ANKS1B: variants seen among roughly 807,000 people sequenced by gnomAD.
The protein encoded by ANKS1B is ankyrin repeat and sterile alpha motif domain containing 1B.
A neutral mutation model predicts 148.3 loss-of-function variants in ANKS1B; 36 were observed. That is an observed-to-expected ratio of 0.24 (90% confidence interval 0.19 to 0.32). The LOEUF (loss-of-function observed/expected upper bound fraction) is 0.32, where lower values mean the gene tolerates loss of function less well. Among genes scored for constraint, ANKS1B ranks in the 10% least tolerant of loss-of-function variants. The pLI, the probability that ANKS1B is intolerant of heterozygous loss-of-function variation, is 1.00. For missense variants in ANKS1B, 1,157 were observed against 1,542.6 expected, an observed-to-expected ratio of 0.75 and a Z score of 4.19; for synonymous variants, 542 against 560.8, an observed-to-expected ratio of 0.97 and a Z score of 0.47.
chr12:99,091,720 G>A (rs1179217782), intron 15 of ANKS1B, among the ~76,000 whole-genome samples: 1 of 152,152 alleles, frequency 6.6e-6, no homozygotes, highest in Non-Finnish European at 1.5e-5. Flanking sequence ...GTTCATTAGT[G>A]TAAAGTAAAT....
intron 8 of ANKS1B, among the ~76,000 whole-genome samples, chr12:99,728,516 C>T (rs2058830305): frequency 6.6e-6 from 1 of 152,172 alleles, no homozygotes. Flanking sequence ...AACACTTTTA[C>T]ACTGTTGGTG....
intron 19 of ANKS1B, among the ~76,000 whole-genome samples, chr12:98,808,293 CT>C (rs1242785825): frequency 1.3e-5 from 2 of 152,150 alleles, no homozygotes; most frequent in Non-Finnish European, 2.9e-5. Flanking sequence ...AGGAAAAAAC[CT>C]TTAACACAGG....
chr12:99,546,460 T>C (rs181122927), intron 9 of ANKS1B, among the ~76,000 whole-genome samples: 1 of 152,312 alleles, frequency 6.6e-6, no homozygotes, highest in African/African-American at 2.4e-5. Context: ...GAAGTCCTAA[T>C]CACATGCCAA....
In ANKS1B at chr12:99,443,674, T is replaced by C; in HGVS notation, c.1574A>G (p.Gln525Arg). Residue 525 changes from glutamine to arginine, a missense_variant and splice_region_variant, in exon 11 of 27, where the codon CAG becomes CGG. This residue lies in a region of ANKS1B where 661 missense variants were observed against 642.1 expected (regional missense o/e 1.03). Coordinates refer to ENST00000683438, the MANE Select transcript of ANKS1B (RefSeq NM_001352186.2). ...LKNIVKVIRP[Q>R]PKQRTSIVSS... is the part of the protein sequence containing the mutation. ...AATGATGCCATTCTGGGCACTTACC[T>C]GGGGTCGAATGACTTTTACAATATT... 6.2e-7 allele frequency: 1 copy of C among 1,611,512 alleles called. No homozygotes were observed. Among genetic ancestry groups the C allele is most frequent in the Non-Finnish European group, 8.5e-7 (1 of 1,178,408 alleles).
intron 1 of ANKS1B, among the ~76,000 whole-genome samples, chr12:99,858,197 C>T (rs529664066): frequency 6.6e-6 from 1 of 152,094 alleles, no homozygotes; most frequent in South Asian, 2.1e-4. Flanking sequence ...AAGAAAAAAA[C>T]AAATAATCCC....
At chr12:99,102,417 TTC>T (rs2058161553) in intron 15 of ANKS1B, among the ~76,000 whole-genome samples, 1 of 31,738 alleles carries the variant, frequency 3.2e-5, no homozygotes, top group Non-Finnish European at 1.0e-4. Context: ...CTTTATTTTC[TTC>T]TTCTTCTTCT....
chr12:99,316,728 T>A (rs1024908475), intron 12 of ANKS1B, among the ~76,000 whole-genome samples: 2 of 152,158 alleles, frequency 1.3e-5, no homozygotes, highest in East Asian at 3.9e-4. Flanking sequence ...GGTGTTTTAG[T>A]CATGAAGTCC....
intron 9 of ANKS1B, among the ~76,000 whole-genome samples, chr12:99,535,051 A>T (rs1484674793): frequency 1.3e-5 from 2 of 152,162 alleles, no homozygotes; most frequent in Non-Finnish European, 2.9e-5. Flanking sequence ...ACTTGAAGAT[A>T]TTCAGCTTTT....
chr12:99,187,660 A>T (rs573796624), intron 14 of ANKS1B, among the ~76,000 whole-genome samples: 3 of 152,262 alleles, frequency 2.0e-5, no homozygotes, highest in African/African-American at 7.2e-5. Context: ...TTTTGTCACC[A>T]CCAGTTCTGC....
chr12:99,637,311 T>C (rs918882683), intron 9 of ANKS1B, among the ~76,000 whole-genome samples: 2 of 151,976 alleles, frequency 1.3e-5, no homozygotes, highest in African/African-American at 4.8e-5. Flanking sequence ...TCTCAGAAAA[T>C]AGTAATAATA....
In ANKS1B at chr12:99,148,734, G is replaced by T. The variant is rs145954993; in HGVS notation, c.2526+5555C>A. Among the ~76,000 whole-genome samples, 439 of 152,248 alleles carry T rather than the reference G, an allele frequency of 2.9e-3. 2 individuals carry two copies. The highest frequency in any genetic ancestry group is 0.01 in the African/African-American group (426 of 41,556). ...TTCTATCTCACACCACTGTAAGGCT[G>T]TGCCTATTATATCTGTAATTAAGCT... On this transcript the variant is annotated intron_variant, in intron 15 of 26. Coordinates refer to ENST00000683438, the MANE Select transcript of ANKS1B (RefSeq NM_001352186.2).
At chr12:99,929,457 C>T (rs2094557698) in intron 1 of ANKS1B, among the ~76,000 whole-genome samples, 1 of 152,154 alleles carries the variant, frequency 6.6e-6, no homozygotes, top group Non-Finnish European at 1.5e-5. Flanking sequence ...TGCCTGTTCA[C>T]TCTGATGGTA....
chr12:98,837,113 C>T (rs549210468), intron 17 of ANKS1B, among the ~76,000 whole-genome samples: 17 of 151,758 alleles, frequency 1.1e-4, no homozygotes, highest in Non-Finnish European at 1.8e-4. Flanking sequence ...GGGTGGATCA[C>T]GAGGTCAGGA....
intron 2 of ANKS1B, among the ~76,000 whole-genome samples, chr12:99,821,441 GC>G (rs1409066117): frequency 6.7e-6 from 1 of 148,754 alleles, no homozygotes; most frequent in African/African-American, 2.5e-5. Context: ...TATTCAATTT[GC>G]TTAAATTATC....
At chr12:99,480,165 TTAA>T (rs1480731777) in intron 10 of ANKS1B, among the ~76,000 whole-genome samples, 4 of 151,828 alleles carry the variant, frequency 2.6e-5, no homozygotes, top group Non-Finnish European at 5.9e-5. Flanking sequence ...TTGATTCATA[TTAA>T]TGTGTAAAAT....
intron 8 of ANKS1B, among the ~76,000 whole-genome samples, chr12:99,694,712 CAACA>C (rs746222551): frequency 3.9e-5 from 6 of 152,212 alleles, no homozygotes; most frequent in East Asian, 3.9e-4. Context: ...TAATGGTTTT[CAACA>C]AACACATACC....
chr12:98,762,124 G>A (rs575289572), intron 25 of ANKS1B, among the ~76,000 whole-genome samples: 340 of 152,296 alleles, frequency 2.2e-3, no homozygotes, highest in Admixed American at 3.9e-3. Context: ...AAGCTTGGGT[G>A]TCATAAAGTA....
chr12:99,526,618 G>A (rs1372978638), intron 9 of ANKS1B, among the ~76,000 whole-genome samples: 1 of 152,110 alleles, frequency 6.6e-6, no homozygotes, highest in East Asian at 1.9e-4. Context: ...AGTTACTGAT[G>A]AAACCCCATG....
chr12:99,535,785 A>G (rs188218605), intron 9 of ANKS1B, among the ~76,000 whole-genome samples: 51 of 152,310 alleles, frequency 3.3e-4, no homozygotes, highest in African/African-American at 1.2e-3. Flanking sequence ...CTCCTTCATA[A>G]AAGGCACAGG....
Sources: allele counts gnomAD v4.1 joint callset (sites outside exome capture counted in the v4.1 genomes callset), GRCh38; gene constraint gnomAD v4.1.1; regional missense constraint gnomAD v4.1.1; transcripts MANE v1.5; gene names NCBI Gene and HGNC (gene_info 2026-07-23, HGNC 2026-07-21).